Variants in CPS1 observed in about 807,000 individuals in gnomAD.
CPS1 encodes carbamoyl-phosphate synthase 1, also known as carbamoyl-phosphate synthase [ammonia], mitochondrial.
Under a neutral mutation model 174.6 loss-of-function variants are expected in CPS1, and 109 were observed. The observed-to-expected ratio is 0.62, with a 90% CI of 0.53 to 0.73. The LOEUF is 0.73. Among genes scored for constraint, CPS1 ranks in the 30% least tolerant of loss-of-function variants. The pLI, the probability that CPS1 is intolerant of heterozygous loss-of-function variation, is 0.00. For synonymous variants in CPS1, 637 were observed against 632.0 expected (o/e 1.01, Z -0.12); for missense variants, 1,689 against 1,821.9 (o/e 0.93, Z 1.33).
intron 3 of CPS1, among the ~76,000 whole-genome samples, chr2:210,576,900 A>G (rs1449101079): frequency 6.6e-6 from 1 of 152,188 alleles, no homozygotes; most frequent in Admixed American, 6.5e-5. Context: ...AAACATATTA[A>G]GATTTCCTAA....
intron 1 of CPS1, among the ~76,000 whole-genome samples, chr2:210,508,705 C>G (rs1410769392): frequency 1.3e-5 from 2 of 152,190 alleles, no homozygotes; most frequent in African/African-American, 4.8e-5. Flanking sequence ...GATATCACCA[C>G]TGATCCTACA....
At chr2:210,509,198 C>T (rs1237604122) in intron 1 of CPS1, among the ~76,000 whole-genome samples, 9 of 152,190 alleles carry the variant, frequency 5.9e-5, no homozygotes, top group African/African-American at 2.2e-4. Flanking sequence ...AAGTGGGCTT[C>T]ATCCCTGGGA....
In CPS1 at chr2:210,627,705, G is replaced by A. The variant is rs189160737; in HGVS notation, c.2688-9997G>A. 3.8e-3 allele frequency among the ~76,000 whole-genome samples: 581 copies of A among 152,290 alleles called. 7 individuals carry two copies. The highest frequency in any genetic ancestry group is 0.032 in the South Asian group (156 of 4,816). The stretch of plus-strand genomic sequence containing the variant: ...TGACTTGCAGGGAGTCGTAAGTATG[G>A]TGGCCCTCACCACCTCAAAGTGTGA... On this transcript the variant is annotated intron_variant, in intron 21 of 37. Coordinates refer to ENST00000233072, the MANE Select transcript of CPS1 (RefSeq NM_001875.5).
chr2:210,507,358 A>G (rs1346204390), intron 1 of CPS1, among the ~76,000 whole-genome samples: 3 of 152,204 alleles, frequency 2.0e-5, no homozygotes, highest in African/African-American at 7.2e-5. Context: ...GGCCTGCCCT[A>G]AAAGAGCTCC....
intron 1 of CPS1, among the ~76,000 whole-genome samples, chr2:210,572,306 C>T (rs1697527273): frequency 6.6e-6 from 1 of 151,818 alleles, no homozygotes; most frequent in African/African-American, 2.4e-5. Context: ...TTCTAATTTC[C>T]TCAATTATTG....
intron 17 of CPS1, among the ~76,000 whole-genome samples, chr2:210,605,856 A>G (rs756355188): frequency 1.8e-4 from 28 of 152,064 alleles, no homozygotes; most frequent in Admixed American, 3.3e-4. Context: ...GGACATAGGT[A>G]TAGAAAGAGG....
chr2:210,617,108 A>C (rs1196704581), intron 21 of CPS1, among the ~76,000 whole-genome samples: 2 of 151,950 alleles, frequency 1.3e-5, no homozygotes, highest in African/African-American at 2.4e-5. Context: ...TATCTCCATC[A>C]TGGCCAATTA....
At chr2:210,497,918 A>ATATATATATATATC (rs970136471) in intron 1 of CPS1, among the ~76,000 whole-genome samples, 9 of 142,204 alleles carry the variant, frequency 6.3e-5, no homozygotes, top group South Asian at 2.2e-4. Context: ...ATATATATAT[A>ATATATATATATATC]TCTCCAGTAA....
At chr2:210,600,108 A>C (rs1159745093) in intron 14 of CPS1, among the ~76,000 whole-genome samples, 1 of 150,912 alleles carries the variant, frequency 6.6e-6, no homozygotes. Context: ...TATAACTTGT[A>C]TGTCAAAAAA....
intron 1 of CPS1, among the ~76,000 whole-genome samples, chr2:210,536,000 A>C (rs1159133890): frequency 6.6e-6 from 1 of 151,984 alleles, no homozygotes; most frequent in African/African-American, 2.4e-5. Context: ...GAGAAAACTT[A>C]TTTGGAGAGA....
rs111976116 is a variant in CPS1, at chr2:210,511,658, G to A, written c.3+33892G>A. Among the ~76,000 whole-genome samples, 627 of 152,170 alleles carry A rather than the reference G, an allele frequency of 4.1e-3. 4 individuals are homozygous for A. The highest frequency in any genetic ancestry group is 0.017 in the Middle Eastern group (5 of 294). On this transcript the variant is annotated intron_variant, in intron 1 of 38. Coordinates refer to the CPS1 transcript ENST00000430249. ...GCTTAAGACTCAGTGATAGGCTCAC[G>A]TGATACTCCCGGTCAAACCTAATGA...
intron 15 of CPS1, 49 bp from the exon 16 acceptor site, chr2:210,602,153 G>C: frequency 1.2e-6 from 2 of 1,608,210 alleles, no homozygotes; most frequent in Non-Finnish European, 1.7e-6. Flanking sequence ...GGTCTGTTCT[G>C]CCAGTGTGCT....
At chr2:210,638,965 C>T (rs915678366) in intron 22 of CPS1, among the ~76,000 whole-genome samples, 185 bp from the exon 23 acceptor site, 2 of 152,124 alleles carry the variant, frequency 1.3e-5, no homozygotes, top group South Asian at 2.1e-4. Flanking sequence ...AACTAGACCA[C>T]ATCACTATTT....
intron 1 of CPS1, among the ~76,000 whole-genome samples, chr2:210,507,822 A>T (rs1695332844): frequency 6.6e-6 from 1 of 152,290 alleles, no homozygotes; most frequent in Non-Finnish European, 1.5e-5. Context: ...CAACAAGAAG[A>T]GCTAACTATC....
intron 1 of CPS1, among the ~76,000 whole-genome samples, chr2:210,536,250 C>T (rs1320429597): frequency 1.3e-5 from 2 of 151,180 alleles, no homozygotes; most frequent in Non-Finnish European, 2.9e-5. Flanking sequence ...TCTCTAGTTA[C>T]TAATAACCTC....
Position 210,637,741 on chromosome 2 carries a change from G to A in CPS1, c.2727G>A (p.Glu909=), listed in dbSNP as rs1373561767. The A allele has an allele frequency of 1.9e-6, 3 of 1,613,900 alleles. No individual in the cohort carries two copies. The highest frequency in any genetic ancestry group is 4.5e-5 in the East Asian group (2 of 44,882). The change falls in exon 22 of 38, where the codon GAG becomes GAA. Residue 909 remains glutamate (E), a synonymous_variant. Coordinates refer to ENST00000233072, the MANE Select transcript of CPS1 (RefSeq NM_001875.5). ...AAGAAACCCTGAAAAGGGCAAAGGA[G>A]ATTGGGTTCTCAGATAAGCAGATTT... is the stretch of plus-strand genomic sequence containing the variant. ...MTEETLKRAK[E]IGFSDKQISK...
At chr2:210,494,160 G>T (rs1445837171) in intron 1 of CPS1, among the ~76,000 whole-genome samples, 3 of 152,106 alleles carry the variant, frequency 2.0e-5, no homozygotes, top group African/African-American at 7.2e-5. Context: ...AAGAAAACAT[G>T]TAAGCTGTGA....
intron 1 of CPS1, among the ~76,000 whole-genome samples, chr2:210,511,230 A>G (rs1302605690): frequency 6.6e-6 from 1 of 152,170 alleles, no homozygotes; most frequent in East Asian, 1.9e-4. Context: ...TGTCCTTTGT[A>G]GGGACATGGA....
At chr2:210,602,419 A>G in intron 16 of CPS1, 89 bp downstream of exon 16, 1 of 1,454,482 alleles carries the variant, frequency 6.9e-7, no homozygotes, top group South Asian at 1.1e-5. Context: ...TAGATGAGAA[A>G]TTACATTTTC....
Sources: gnomAD v4.1 joint callset for allele counts (sites outside exome capture counted in the v4.1 genomes callset) on GRCh38, gnomAD v4.1.1 for gene constraint, MANE v1.5 for transcripts, NCBI Gene and HGNC (gene_info 2026-07-23, HGNC 2026-07-21) for gene names.